EGFR: variants seen among roughly 807,000 people sequenced by gnomAD.
EGFR encodes avian erythroblastic leukemia viral (v-erb-b) oncogene homolog.
In EGFR, 58 loss-of-function variants were observed where a neutral mutation model predicts 143.0. The ratio of observed to expected loss-of-function variants is 0.41; its 90% CI spans 0.33 to 0.50. The LOEUF is 0.50. Ranked by LOEUF, EGFR falls within the 20% of genes least tolerant of loss-of-function variation. The pLI is 0.39. For synonymous variants in EGFR, 613 were observed against 594.4 expected (o/e 1.03, Z -0.45); for missense variants, 1,307 against 1,579.0 (o/e 0.83, Z 2.92).
intron 1 of EGFR, among the ~76,000 whole-genome samples, chr7:55,049,652 T>G (rs1562668864): frequency 6.6e-6 from 1 of 152,128 alleles, no homozygotes; most frequent in Non-Finnish European, 1.5e-5. Context: ...TGCTTCATGC[T>G]CCTTCCACCT....
intron 26 of EGFR, 113 bp from the exon 27 acceptor site, chr7:55,202,404 T>A (rs1273402228): frequency 2.2e-6 from 2 of 919,686 alleles, no homozygotes; most frequent in African/African-American, 3.3e-5. Flanking sequence ...CTCTCAGGCC[T>A]GCCCAACCTA....
intron 6 of EGFR, 39 bp from the exon 7 acceptor site, chr7:55,153,972 C>G (rs780132960): frequency 6.2e-7 from 1 of 1,614,160 alleles, no homozygotes; most frequent in South Asian, 1.1e-5. Flanking sequence ...GCTGAGTGTA[C>G]TTACCTCACT....
At chr7:55,200,259 T>A (rs1343219935) in intron 23 of EGFR, 57 bp from the exon 24 acceptor site, 7 of 1,502,684 alleles carry the variant, frequency 4.7e-6, no homozygotes, top group Admixed American at 1.7e-5. Flanking sequence ...AGCAATGCCA[T>A]CTTTATCATT....
At position 55,165,471 on chromosome 7, in the gene EGFR, C is replaced by T. The variant is rs17290176; in HGVS notation, c.1880+34C>T. ...AAAGTGAAGGAGAACAGAACATTTC[C>T]TCTCTTGCAAATTCAGAGATCAAAA... On this transcript the variant is annotated intron_variant, in intron 15 of 27. Transcript: ENST00000275493. 1.6e-3 allele frequency: 2,510 copies of T among 1,578,950 alleles called. 43 individuals are homozygous for T. The African/African-American group carries it at 0.029, about 18-fold the overall frequency.
intron 1 of EGFR, among the ~76,000 whole-genome samples, chr7:55,095,574 G>A (rs1001487412): frequency 6.6e-6 from 1 of 152,148 alleles, no homozygotes; most frequent in African/African-American, 2.4e-5. Context: ...TGTGCAATGA[G>A]AGAATTAATT....
At chr7:55,100,587 T>A (rs189774509) in intron 1 of EGFR, among the ~76,000 whole-genome samples, 1 of 152,316 alleles carries the variant, frequency 6.6e-6, no homozygotes, top group East Asian at 1.9e-4. Flanking sequence ...CTCAAAGCTG[T>A]GGTCACCCAA....
intron 1 of EGFR, among the ~76,000 whole-genome samples, chr7:55,107,857 T>C (rs1200441332): frequency 6.6e-6 from 1 of 152,240 alleles, no homozygotes; most frequent in African/African-American, 2.4e-5. Context: ...GTAAAATAAA[T>C]GGTTTGCAAA....
At chr7:55,038,708 A>G (rs1787736347) in intron 1 of EGFR, among the ~76,000 whole-genome samples, 1 of 152,112 alleles carries the variant, frequency 6.6e-6, no homozygotes, top group Non-Finnish European at 1.5e-5. Context: ...TCACCATTTT[A>G]TAGTAATAAA....
At chr7:55,037,142 C>T (rs570870026) in intron 1 of EGFR, among the ~76,000 whole-genome samples, 1 of 152,286 alleles carries the variant, frequency 6.6e-6, no homozygotes, top group East Asian at 1.9e-4. Flanking sequence ...GCTGTACCAG[C>T]GGGGACAGTT....
intron 1 of EGFR, among the ~76,000 whole-genome samples, chr7:55,139,505 G>C (rs963071318): frequency 3.4e-4 from 51 of 152,158 alleles, no homozygotes; most frequent in African/African-American, 1.2e-3. Flanking sequence ...AAATGCTGCT[G>C]TCTCCTTTTG....
At chr7:55,073,083 C>T (rs1217763509) in intron 1 of EGFR, among the ~76,000 whole-genome samples, 1 of 152,194 alleles carries the variant, frequency 6.6e-6, no homozygotes, top group Non-Finnish European at 1.5e-5. Flanking sequence ...CGTTTCTCTT[C>T]CCTTGGAATG....
At chr7:55,050,432 T>C (rs1788422736) in intron 1 of EGFR, among the ~76,000 whole-genome samples, 1 of 152,236 alleles carries the variant, frequency 6.6e-6, no homozygotes, top group African/African-American at 2.4e-5. Context: ...CATCTGTCCA[T>C]TTCCAGGCTG....
chr7:55,203,334 T>C (rs542184064), intron 27 of EGFR, among the ~76,000 whole-genome samples: 2 of 127,354 alleles, frequency 1.6e-5, no homozygotes, highest in Non-Finnish European at 3.3e-5. Context: ...TACACACACG[T>C]ATACACACAT....
At chr7:55,050,362 G>A (rs141253562) in intron 1 of EGFR, among the ~76,000 whole-genome samples, 49 of 152,188 alleles carry the variant, frequency 3.2e-4, no homozygotes, top group African/African-American at 1.1e-3. Context: ...TTTTGTGACT[G>A]GCTTGTTTCA....
intron 1 of EGFR, among the ~76,000 whole-genome samples, chr7:55,027,066 A>G (rs1786935156): frequency 6.6e-6 from 1 of 152,176 alleles, no homozygotes; most frequent in Non-Finnish European, 1.5e-5. Context: ...CCAGATTTTG[A>G]GAACTGCTGA....
intron 1 of EGFR, among the ~76,000 whole-genome samples, chr7:55,055,998 T>C (rs1387841774): frequency 6.6e-6 from 1 of 152,124 alleles, no homozygotes; most frequent in Non-Finnish European, 1.5e-5. Flanking sequence ...ATCTGGTTTC[T>C]TCCAGCTCTG....
At chr7:55,152,727 C>A in intron 6 of EGFR, 63 bp downstream of exon 6, 6 of 1,418,360 alleles carry the variant, frequency 4.2e-6, no homozygotes, top group Middle Eastern at 1.8e-4. Context: ...CCACCCACAC[C>A]AGGACAGAAG....
chr7:55,096,766 TCAGCCCCTGCCAGCTTG>T (rs1168680654), intron 1 of EGFR, among the ~76,000 whole-genome samples: 9 of 152,244 alleles, frequency 5.9e-5, no homozygotes, highest in African/African-American at 2.2e-4. Flanking sequence ...ACAGCACCTG[TCAGCCCCTGCCAGCTTG>T]CAGGGGCGCA....
At chr7:55,191,646 T>C in intron 20 of EGFR, 73 bp from the exon 21 acceptor site, 1 of 1,600,904 alleles carries the variant, frequency 6.2e-7, no homozygotes, top group Non-Finnish European at 8.5e-7. Flanking sequence ...GGCATGAACA[T>C]GACCCTGAAT....
Sources: allele counts gnomAD v4.1 joint callset (sites outside exome capture counted in the v4.1 genomes callset), GRCh38; gene constraint gnomAD v4.1.1; transcripts MANE v1.5; gene names NCBI Gene and HGNC (gene_info 2026-07-23, HGNC 2026-07-21).